MSH3: variants seen among roughly 807,000 people sequenced by gnomAD.
MSH3 encodes DNA mismatch repair protein Msh3.
A neutral mutation model predicts 123.3 loss-of-function variants in MSH3; 106 were observed. The ratio of observed to expected loss-of-function variants is 0.86; its 90% confidence interval spans 0.73 to 1.01. The LOEUF is 1.01. Ranked by LOEUF, MSH3 falls within the 50% of genes least tolerant of loss-of-function variation. The probability of loss-of-function intolerance (pLI) is 0.00; values close to 1 mark genes in which losing one functional copy is unlikely to be tolerated. For missense variants in MSH3, 1,459 were observed against 1,347.6 expected (o/e 1.08, Z -1.29); for synonymous variants, 515 against 481.4 (o/e 1.07, Z -0.91).
chr5:80,776,414 G>C (rs1302557203), intron 16 of MSH3, among the ~76,000 whole-genome samples: 2 of 152,256 alleles, frequency 1.3e-5, no homozygotes, highest in East Asian at 3.9e-4. Flanking sequence ...TGCTATGCCT[G>C]ACATTTCTTT....
intron 20 of MSH3, among the ~76,000 whole-genome samples, chr5:80,818,289 A>C (rs1745140354): frequency 6.6e-6 from 1 of 151,714 alleles, no homozygotes; most frequent in Non-Finnish European, 1.5e-5. Context: ...AAAAGAGAAT[A>C]GAGGAACATG....
rs537030893 is a variant in MSH3 at position 80,734,637 on chromosome 5, C to T, written c.1568+5672C>T. On this transcript the variant is annotated intron_variant, in intron 10 of 23. Transcript: ENST00000265081. The stretch of plus-strand genomic sequence containing the variant: ...TACTCTGGTTGGAGAGTGTTCCAAG[C>T]CCTTTGTGAACTCTGGTCACTGTTC... Among the ~76,000 whole-genome samples, 5 of 152,264 alleles carry T rather than the reference C, an allele frequency of 3.3e-5. 1 individual carries two copies. In the East Asian group the frequency reaches 9.6e-4, roughly 29 times the overall value.
intron 5 of MSH3, 127 bp downstream of exon 5, chr5:80,672,487 G>A: frequency 2.6e-6 from 2 of 755,780 alleles, no homozygotes; most frequent in East Asian, 2.7e-5. Flanking sequence ...AGAACTGAAA[G>A]TGTTTCATAA....
chr5:80,792,921 T>TAA, intron 19 of MSH3, 77 bp downstream of exon 19: 1 of 956,592 alleles, frequency 1.0e-6, no homozygotes, highest in Non-Finnish European at 1.6e-6. Context: ...TTTTTATAAT[T>TAA]AAAAGTTACC....
intron 21 of MSH3, among the ~76,000 whole-genome samples, chr5:80,862,122 G>A (rs925636050): frequency 2.0e-5 from 3 of 152,090 alleles, no homozygotes; most frequent in African/African-American, 7.2e-5. Context: ...CAGCCTTGAG[G>A]AGCACAGTGT....
intron 20 of MSH3, among the ~76,000 whole-genome samples, chr5:80,823,955 T>C (rs7708096): frequency 0.16 from 23,898 of 152,038 alleles, 1,961 homozygotes; most frequent in East Asian, 0.24. Context: ...TGCACCGCCC[T>C]TAATCCATTT....
At position 80,665,203 on chromosome 5, in the gene MSH3, T is replaced by A. The variant is rs755863687; in HGVS notation, c.419T>A (p.Phe140Tyr). ...VSKSLEKLKE[F>Y]CCDSALPQSR... ...AAGTCTCTGGAAAAATTGAAAGAATTCTGCTGCGATTCTGCCCTTCCTCAA... is the reference window on the plus strand; with the variant it reads ...AAGTCTCTGGAAAAATTGAAAGAATACTGCTGCGATTCTGCCCTTCCTCAA... Residue 140 changes from phenylalanine (F) to tyrosine (Y), a missense_variant, in exon 3 of 24, where the codon TTC (phenylalanine) becomes TAC (tyrosine). Phe to Tyr is a conservative substitution (Grantham distance 22, BLOSUM62 3). Coordinates refer to ENST00000265081, the MANE Select transcript of MSH3 (RefSeq NM_002439.5). 1 of 1,614,152 alleles carries A rather than the reference T, an allele frequency of 6.2e-7. No homozygotes were observed. Among genetic ancestry groups the A allele is most frequent in the East Asian group, 2.2e-5 (1 of 44,874 alleles).
chr5:80,813,380 C>A (rs1458128931), intron 19 of MSH3, among the ~76,000 whole-genome samples: 2 of 152,148 alleles, frequency 1.3e-5, no homozygotes, highest in Admixed American at 1.3e-4. Flanking sequence ...TTTTAATACC[C>A]AGGAATAGCT....
At chr5:80,808,871 A>G (rs1031174033) in intron 19 of MSH3, among the ~76,000 whole-genome samples, 1 of 128,256 alleles carries the variant, frequency 7.8e-6, no homozygotes. Flanking sequence ...ATATATATAT[A>G]TATATATATA....
chr5:80,702,187 G>T (rs910696221), intron 8 of MSH3, among the ~76,000 whole-genome samples: 1 of 152,170 alleles, frequency 6.6e-6, no homozygotes, highest in Admixed American at 6.5e-5. Flanking sequence ...CCAGGTCCTA[G>T]GATTCTTTCC....
At chr5:80,850,248 A>G (rs1470019173) in intron 20 of MSH3, among the ~76,000 whole-genome samples, 2 of 152,190 alleles carry the variant, frequency 1.3e-5, no homozygotes, top group African/African-American at 4.8e-5. Context: ...GTCTGTAGGA[A>G]GTTCCAGACT....
At chr5:80,756,640 A>ATTATAAT (rs1743931571) in intron 12 of MSH3, among the ~76,000 whole-genome samples, 1 of 152,192 alleles carries the variant, frequency 6.6e-6, no homozygotes, top group Non-Finnish European at 1.5e-5. Context: ...ATCATAACCC[A>ATTATAAT]GTTATAATCT....
rs762230246 is a variant in MSH3, at chr5:80,792,694, T to C, written c.2544-39T>C. The C allele has an allele frequency of 2.2e-5, 28 of 1,279,442 alleles. No homozygotes were observed. The East Asian group carries it at 2.6e-4, about 12-fold the overall frequency. The allele number at this position is 1,279,442 out of a possible 1,614,324, so 79.3% of individuals were successfully genotyped here. On this transcript the variant is annotated intron_variant, in intron 18 of 23. Transcript: ENST00000265081. ...TTAGAGTTTTTTTTTTAAGGCTATTTCCATGCCTAGTAAATTGAAACATAT... is the reference window on the plus strand; with the variant it reads ...TTAGAGTTTTTTTTTTAAGGCTATTCCCATGCCTAGTAAATTGAAACATAT...
intron 16 of MSH3, 94 bp from the exon 17 acceptor site, chr5:80,778,626 C>T (rs1366120132): frequency 3.8e-6 from 3 of 783,918 alleles, no homozygotes; most frequent in Non-Finnish European, 7.0e-6. Context: ...CAAGGTTCAT[C>T]AGAGAATAAT....
chr5:80,715,723 A>G (rs532438603), intron 8 of MSH3, among the ~76,000 whole-genome samples: 1 of 152,270 alleles, frequency 6.6e-6, no homozygotes, highest in South Asian at 2.1e-4. Flanking sequence ...CAAGTCCTAC[A>G]TGGCTGGAGC....
intron 8 of MSH3, among the ~76,000 whole-genome samples, chr5:80,691,814 T>C (rs1342923214): frequency 6.8e-6 from 1 of 147,894 alleles, no homozygotes; most frequent in Non-Finnish European, 1.5e-5. Flanking sequence ...TCTAAATATA[T>C]ATGTATGTTT....
intron 20 of MSH3, among the ~76,000 whole-genome samples, chr5:80,829,028 T>A (rs1745374582): frequency 6.6e-6 from 1 of 152,226 alleles, no homozygotes; most frequent in African/African-American, 2.4e-5. Context: ...CACTTGGGGT[T>A]GTCTGTCCTG....
rs6151763 is a variant in MSH3, at chr5:80,755,167, A to T, written c.1764-6379A>T. On this transcript the variant is annotated intron_variant, in intron 12 of 23. Transcript: ENST00000265081. ...GTGCCCCTTTCCTCTGCCGGTTTGA[A>T]TGAGAGTTTAAAGGAGGAACTGCTG... Among the ~76,000 whole-genome samples, 524 of 152,266 alleles carry T rather than the reference A, an allele frequency of 3.4e-3. 2 individuals carry two copies. Among genetic ancestry groups the T allele is most frequent in the Non-Finnish European group, 6.2e-3 (420 of 68,008 alleles).
At chr5:80,699,831 A>T (rs1443484013) in intron 8 of MSH3, among the ~76,000 whole-genome samples, 1 of 152,186 alleles carries the variant, frequency 6.6e-6, no homozygotes, top group Admixed American at 6.5e-5. Context: ...AATGGGATCT[A>T]CATGGCTAAG....
Sources: gnomAD v4.1 joint callset for allele counts (sites outside exome capture counted in the v4.1 genomes callset) on GRCh38, gnomAD v4.1.1 for gene constraint, MANE v1.5 for transcripts, NCBI Gene and HGNC (gene_info 2026-07-23, HGNC 2026-07-21) for gene names.